Variants in PARD3 observed in about 807,000 individuals in gnomAD.
PARD3 encodes the protein par-3 family cell polarity regulator.
A neutral mutation model predicts 155.4 loss-of-function variants in PARD3; 75 were observed. The ratio of observed to expected loss-of-function variants is 0.48; its 90% CI spans 0.40 to 0.58. The LOEUF (loss-of-function observed/expected upper bound fraction) is 0.58, where lower values mean the gene tolerates loss of function less well. Ranked by LOEUF, PARD3 falls within the 20% of genes least tolerant of loss-of-function variation. The pLI, the probability that PARD3 is intolerant of heterozygous loss-of-function variation, is 0.00. For missense variants in PARD3, 1,642 were observed against 1,721.7 expected (o/e 0.95, Z 0.82); for synonymous variants, 576 against 610.5 (o/e 0.94, Z 0.83).
At chr10:34,703,513 G>A (rs2094316255) in intron 1 of PARD3, among the ~76,000 whole-genome samples, 1 of 151,540 alleles carries the variant, frequency 6.6e-6, no homozygotes, top group Non-Finnish European at 1.5e-5. Flanking sequence ...AATTAGACCA[G>A]TCAAGTAAGT....
chr10:34,467,329 T>TTG (rs61218571), intron 4 of PARD3, among the ~76,000 whole-genome samples: 11,579 of 146,824 alleles, frequency 0.079, 513 homozygotes, highest in East Asian at 0.2. Context: ...TGACTCCAAC[T>TTG]TGTGTGTGTG....
intron 1 of PARD3, 65 bp from the exon 2 acceptor site, chr10:34,696,484 T>G: frequency 1.0e-6 from 1 of 989,922 alleles, no homozygotes; most frequent in Non-Finnish European, 1.6e-6. Context: ...ATTAGACATT[T>G]TAAACCGTGA....
chr10:34,519,681 G>A (rs998284833), intron 2 of PARD3, among the ~76,000 whole-genome samples: 1 of 151,952 alleles, frequency 6.6e-6, no homozygotes, highest in Admixed American at 6.6e-5. Flanking sequence ...AGGTGTGGTG[G>A]CACGCTTCTG....
chr10:34,210,470 A>G (rs1951691867), intron 22 of PARD3, among the ~76,000 whole-genome samples: 1 of 152,168 alleles, frequency 6.6e-6, no homozygotes, highest in Admixed American at 6.5e-5. Flanking sequence ...CACCTTCTGC[A>G]CTGGAGCCTG....
intron 22 of PARD3, among the ~76,000 whole-genome samples, chr10:34,173,866 A>T (rs1403562767): frequency 1.3e-5 from 2 of 152,174 alleles, no homozygotes; most frequent in African/African-American, 4.8e-5. Flanking sequence ...GAAGAAGTTT[A>T]ACTGGTGAAT....
intron 12 of PARD3, among the ~76,000 whole-genome samples, chr10:34,365,049 A>C (rs959573677): frequency 5.3e-5 from 8 of 152,210 alleles, no homozygotes; most frequent in Non-Finnish European, 1.0e-4. Context: ...ATGTTCTTGC[A>C]CTGCTGGTGA....
chr10:34,703,186 C>T (rs1187852271), intron 1 of PARD3, among the ~76,000 whole-genome samples: 1 of 151,214 alleles, frequency 6.6e-6, no homozygotes, highest in African/African-American at 2.4e-5. Flanking sequence ...AGTTTAAGGC[C>T]AGCCTGGGCA....
At chr10:34,414,014 C>G (rs151136065) in intron 5 of PARD3, among the ~76,000 whole-genome samples, 2 of 152,196 alleles carry the variant, frequency 1.3e-5, no homozygotes, top group African/African-American at 4.8e-5. Context: ...ACAGTGAGAC[C>G]TTGTCTTTAC....
At chr10:34,780,955 CAT>C (rs1361058310) in intron 1 of PARD3, among the ~76,000 whole-genome samples, 1 of 152,232 alleles carries the variant, frequency 6.6e-6, no homozygotes, top group African/African-American at 2.4e-5. Context: ...TAACGGGAAA[CAT>C]AAAAGCAACT....
intron 2 of PARD3, among the ~76,000 whole-genome samples, chr10:34,628,153 A>G (rs921803835): frequency 6.6e-6 from 1 of 152,150 alleles, no homozygotes; most frequent in African/African-American, 2.4e-5. Flanking sequence ...TCTCTCCCCA[A>G]ATTATTCCCT....
intron 22 of PARD3, among the ~76,000 whole-genome samples, chr10:34,223,792 T>G (rs1449719536): frequency 6.6e-6 from 1 of 152,172 alleles, no homozygotes; most frequent in African/African-American, 2.4e-5. Flanking sequence ...TCATTAACCT[T>G]TGTAACATCT....
At chr10:34,696,652 T>C (rs1380453989) in intron 1 of PARD3, among the ~76,000 whole-genome samples, 1 of 151,316 alleles carries the variant, frequency 6.6e-6, no homozygotes, top group African/African-American at 2.4e-5. Flanking sequence ...GCTGATACTC[T>C]ATTATGATAG....
chr10:34,561,809 C>A (rs1283623037), intron 2 of PARD3, among the ~76,000 whole-genome samples: 1 of 151,710 alleles, frequency 6.6e-6, no homozygotes, highest in Non-Finnish European at 1.5e-5. Flanking sequence ...TGAGCCACTG[C>A]GCCCGGCCCT....
chr10:34,511,352 C>A (rs1399304460), intron 3 of PARD3, among the ~76,000 whole-genome samples: 1 of 152,094 alleles, frequency 6.6e-6, no homozygotes, highest in Non-Finnish European at 1.5e-5. Flanking sequence ...TTAATGGTGA[C>A]TGTCTTAGTT....
intron 2 of PARD3, among the ~76,000 whole-genome samples, chr10:34,536,407 AGTACTGCTTTACAATACCAACAT>A (rs1269448864): frequency 6.6e-6 from 1 of 152,242 alleles, no homozygotes; most frequent in African/African-American, 2.4e-5. Flanking sequence ...CAGTGCTAGC[AGTACTGCTTTACAATACCAACAT>A]GTTTCAAAGA....
intron 2 of PARD3, among the ~76,000 whole-genome samples, chr10:34,695,307 T>A (rs2094145903): frequency 6.6e-6 from 1 of 151,824 alleles, no homozygotes; most frequent in African/African-American, 2.4e-5. Flanking sequence ...AAACCATGTC[T>A]CTACTAAAAA....
intron 2 of PARD3, among the ~76,000 whole-genome samples, chr10:34,608,781 G>A (rs1278510426): frequency 1.3e-5 from 2 of 151,980 alleles, no homozygotes; most frequent in East Asian, 3.9e-4. Context: ...TGATCCACCC[G>A]CCTTGGCCTC....
chr10:34,121,608 C>G (rs1283647450), intron 23 of PARD3, among the ~76,000 whole-genome samples: 1 of 152,182 alleles, frequency 6.6e-6, no homozygotes, highest in Non-Finnish European at 1.5e-5. Flanking sequence ...TTGGCCAGCA[C>G]AGAAAGAAAT....
chr10:34,348,181 G>A, intron 14 of PARD3, 66 bp from the exon 15 acceptor site: 1 of 1,408,702 alleles, frequency 7.1e-7, no homozygotes, highest in Non-Finnish European at 9.6e-7. Flanking sequence ...CAGCATGGGA[G>A]AATTATAACA....
Sources: allele counts gnomAD v4.1 joint callset (sites outside exome capture counted in the v4.1 genomes callset), GRCh38; gene constraint gnomAD v4.1.1; transcripts MANE v1.5; gene names NCBI Gene and HGNC (gene_info 2026-07-23, HGNC 2026-07-21).